The following RAB3GAP2 variants were observed in gnomAD, a reference collection of about 807,000 sequenced individuals.
RAB3GAP2 encodes rab3 GTPase-activating protein non-catalytic subunit.
A neutral mutation model predicts 185.3 loss-of-function variants in RAB3GAP2; 87 were observed. The ratio of observed to expected loss-of-function variants is 0.47; its 90% CI spans 0.39 to 0.56. The LOEUF is 0.56. RAB3GAP2 is among the 20% of genes least tolerant of loss of function. The pLI is 0.00. For synonymous variants in RAB3GAP2, 554 were observed against 576.1 expected (o/e 0.96, Z 0.55); for missense variants, 1,492 against 1,638.2 (o/e 0.91, Z 1.54).
intron 17 of RAB3GAP2, among the ~76,000 whole-genome samples, chr1:220,188,104 G>GA (rs201924459): frequency 0.057 from 7,723 of 134,976 alleles, 312 homozygotes; most frequent in East Asian, 0.24. Context: ...TGGTGTGTGG[G>GA]AAAAAAAAAA....
rs1657693124 is a variant in RAB3GAP2 at position 220,149,220 on chromosome 1, A to AATT, written c.*2028_*2030dup. On this transcript the variant is annotated 3_prime_UTR_variant, in exon 35 of 35. Transcript: ENST00000358951. ...TGCTTTTCTTAACCATACAAGTCAG[A>AATT]ATTAGATTTTAAAATTCTATGAAAA... is the stretch of plus-strand genomic sequence containing the variant. 1.3e-5 allele frequency: 2 copies of AATT among 152,314 alleles called. No homozygotes were observed. The highest frequency in any genetic ancestry group is 1.9e-4 in the East Asian group (1 of 5,186). The allele number at this position is 152,314 out of a possible 1,614,324, so 9.4% of individuals were successfully genotyped here.
chr1:220,253,807 A>C (rs1659983409), intron 1 of RAB3GAP2: 8 of 1,612,086 alleles, frequency 5.0e-6, no homozygotes, highest in Middle Eastern at 4.3e-4. Context: ...TCAAAAAGCC[A>C]ATCAGGAGCA....
At chr1:220,239,603 G>GA (rs1187215345) in intron 1 of RAB3GAP2, among the ~76,000 whole-genome samples, 3 of 151,856 alleles carry the variant, frequency 2.0e-5, no homozygotes, top group East Asian at 3.9e-4. Flanking sequence ...TAATTAGTGA[G>GA]AAAAAATAAT....
chr1:220,161,690 G>A (rs969563770), intron 28 of RAB3GAP2, among the ~76,000 whole-genome samples: 2 of 152,134 alleles, frequency 1.3e-5, no homozygotes, highest in Non-Finnish European at 2.9e-5. Context: ...ATAACTCCTA[G>A]GTCTTTTGGA....
chr1:220,151,467 TAA>T, intron 34 of RAB3GAP2, 61 bp from the exon 35 acceptor site: 4 of 1,606,462 alleles, frequency 2.5e-6, no homozygotes, highest in Non-Finnish European at 3.4e-6. Flanking sequence ...GTTATTGACT[TAA>T]GAGTTATTAC....
chr1:220,213,457 C>T (rs764974318), intron 3 of RAB3GAP2, among the ~76,000 whole-genome samples: 1 of 151,818 alleles, frequency 6.6e-6, no homozygotes, highest in Non-Finnish European at 1.5e-5. Flanking sequence ...AGTTAAAATG[C>T]TATGCCCCAA....
chr1:220,225,786 T>G (rs1390374986), intron 2 of RAB3GAP2, among the ~76,000 whole-genome samples: 1 of 152,204 alleles, frequency 6.6e-6, no homozygotes, highest in African/African-American at 2.4e-5. Context: ...ATGGTGTAAG[T>G]GTTCTTCTTC....
chr1:220,193,802 A>G (rs1658670325), intron 12 of RAB3GAP2, among the ~76,000 whole-genome samples: 1 of 152,178 alleles, frequency 6.6e-6, no homozygotes, highest in Admixed American at 6.5e-5. Context: ...ATCTGCCTGA[A>G]GCAAAAACCT....
chr1:220,153,274 C>T lies in RAB3GAP2; in HGVS notation c.3778G>A (p.Ala1260Thr). The T allele has an allele frequency of 1.2e-6, 2 of 1,614,140 alleles. No homozygotes were observed. Among genetic ancestry groups the T allele is most frequent in the Non-Finnish European group, 1.7e-6 (2 of 1,179,988 alleles). The change falls in exon 33 of 35, where the codon GCC becomes ACC. Residue 1260 changes from alanine (A) to threonine (T), a missense_variant. By Grantham distance (58) the Ala-to-Thr change is moderately conservative (BLOSUM62 0). This residue lies in a region of RAB3GAP2 where 387 missense variants were observed against 455.3 expected (regional missense o/e 0.85). Coordinates refer to ENST00000358951, the MANE Select transcript of RAB3GAP2 (RefSeq NM_012414.4). ...QDWPALAVDL[A>T]HHLQVSEDVV... ...TCTTCACTAACTTGAAGGTGATGGG[C>T]TAAATCCACAGCTAGAGCTGGCCAA...
chr1:220,211,090 C>T, intron 4 of RAB3GAP2, 88 bp from the exon 5 acceptor site: 1 of 1,298,714 alleles, frequency 7.7e-7, no homozygotes, highest in South Asian at 1.2e-5. Flanking sequence ...AGGATAATAA[C>T]TGGAAGATGA....
chr1:220,172,652 G>A lies in RAB3GAP2; in HGVS notation c.2401C>T (p.Leu801=), dbSNP rs773701395. 5.0e-6 allele frequency: 8 copies of A among 1,609,640 alleles called. No homozygotes were observed. The Admixed American group carries it at 1.3e-4, about 27-fold the overall frequency. The change falls in exon 22 of 35, where the codon CTG becomes TTG. Residue 801 remains leucine (L), a synonymous_variant. Transcript: ENST00000358951. ...ICCLHTMLSL[L]SKMKVAIDET... ...CTTTGTTTACCTTTCATCTTGCTCA[G>A]GAGGGACAGCATGGTATGAAGACAG...
At chr1:220,178,084 G>T (rs1262856752) in intron 21 of RAB3GAP2, among the ~76,000 whole-genome samples, 1 of 152,194 alleles carries the variant, frequency 6.6e-6, no homozygotes, top group East Asian at 1.9e-4. Context: ...GATCCAATAT[G>T]CTTGGTAGCA....
chr1:220,243,856 C>A (rs1201737298), intron 1 of RAB3GAP2, among the ~76,000 whole-genome samples: 1 of 152,052 alleles, frequency 6.6e-6, no homozygotes, highest in Non-Finnish European at 1.5e-5. Context: ...AGGTTACTAC[C>A]CAGAAAGCAA....
chr1:220,162,220 G>C lies in RAB3GAP2; in HGVS notation c.3203C>G (p.Ala1068Gly). Residue 1068 changes from alanine to glycine, a missense_variant, in exon 28 of 35, where the codon GCT (alanine) becomes GGT (glycine). Transcript: ENST00000358951. Reference sequence around the variant, plus strand: ...TACCTTATCCATTAAGTATGTAGCAGCAGAAAATCTTTTAACTAAGAACGT... The same window carrying C: ...TACCTTATCCATTAAGTATGTAGCACCAGAAAATCTTTTAACTAAGAACGT... ...WNTFLVKRFS[A>G]ATYLMDKVGK... 1 of 1,589,288 alleles carries C rather than the reference G, an allele frequency of 6.3e-7. No homozygotes were observed. The highest frequency in any genetic ancestry group is 8.6e-7 in the Non-Finnish European group (1 of 1,157,636).
chr1:220,167,470 G>A (rs1293500970), intron 25 of RAB3GAP2, 32 bp downstream of exon 25: 1 of 1,613,478 alleles, frequency 6.2e-7, no homozygotes, highest in Non-Finnish European at 8.5e-7. Flanking sequence ...TTTCCAATTT[G>A]GATTTCATAT....
chr1:220,268,200 C>T (rs1229819480), intron 1 of RAB3GAP2, among the ~76,000 whole-genome samples: 1 of 152,172 alleles, frequency 6.6e-6, no homozygotes, highest in Admixed American at 6.5e-5. Flanking sequence ...GTCCTATTTA[C>T]CTGCTCTGCT....
At chr1:220,253,753 G>T (rs1034129689) in intron 1 of RAB3GAP2, 8 of 1,611,738 alleles carry the variant, frequency 5.0e-6, no homozygotes, top group Middle Eastern at 4.5e-4. Flanking sequence ...GGAGAGCAGA[G>T]TACTCAAATA....
intron 16 of RAB3GAP2, 139 bp downstream of exon 16, chr1:220,189,925 A>G: frequency 9.5e-7 from 1 of 1,056,572 alleles, no homozygotes; most frequent in Non-Finnish European, 1.4e-6. Flanking sequence ...AACACCCTCT[A>G]GATGGCACAC....
chr1:220,152,609 C>T (rs147344129), intron 33 of RAB3GAP2, among the ~76,000 whole-genome samples: 144 of 152,346 alleles, frequency 9.5e-4, no homozygotes, highest in African/African-American at 3.4e-3. Context: ...GAGTAGCTGG[C>T]TGCTGCTTCT....
Sources: gnomAD v4.1 joint callset for allele counts (sites outside exome capture counted in the v4.1 genomes callset) on GRCh38, gnomAD v4.1.1 for gene constraint, gnomAD v4.1.1 regional missense constraint, MANE v1.5 for transcripts, NCBI Gene and HGNC (gene_info 2026-07-23, HGNC 2026-07-21) for gene names.